Variants in PCDH15 observed in about 807,000 individuals in gnomAD.
PCDH15 encodes the protein protocadherin-15.
A neutral mutation model predicts 178.5 loss-of-function variants in PCDH15; 129 were observed. The observed-to-expected ratio is 0.72, with a 90% CI of 0.63 to 0.84. The LOEUF (loss-of-function observed/expected upper bound fraction) is 0.84, where lower values mean the gene tolerates loss of function less well. Ranked by LOEUF, PCDH15 falls within the 40% of genes least tolerant of loss-of-function variation. The pLI, the probability that PCDH15 is intolerant of heterozygous loss-of-function variation, is 0.00. For missense variants in PCDH15, 2,230 were observed against 2,099.9 expected (o/e 1.06, Z -1.21); for synonymous variants, 800 against 732.0 (o/e 1.09, Z -1.50).
At chr10:54,405,623 C>G (rs2135542653) in intron 3 of PCDH15, among the ~76,000 whole-genome samples, 1 of 151,672 alleles carries the variant, frequency 6.6e-6, no homozygotes, top group South Asian at 2.1e-4. Flanking sequence ...ATCTGTACAA[C>G]CAACCCCCAT....
At chr10:55,045,170 CT>C (rs534246714) in intron 2 of PCDH15, among the ~76,000 whole-genome samples, 176 of 152,106 alleles carry the variant, frequency 1.2e-3, no homozygotes, top group African/African-American at 4.2e-3. Flanking sequence ...AATTTTATCC[CT>C]TCTCCATTTT....
intron 2 of PCDH15, among the ~76,000 whole-genome samples, chr10:55,437,285 A>G (rs1839064174): frequency 6.6e-6 from 1 of 152,216 alleles, no homozygotes; most frequent in African/African-American, 2.4e-5. Flanking sequence ...GGGCATGCAC[A>G]GATAAAGAGT....
At chr10:55,234,816 G>T (rs1454925106) in intron 1 of PCDH15, among the ~76,000 whole-genome samples, 1 of 151,942 alleles carries the variant, frequency 6.6e-6, no homozygotes, top group Non-Finnish European at 1.5e-5. Flanking sequence ...TTATTACAAT[G>T]AGAGTGGTAA....
At chr10:55,076,434 T>TA (rs1161872896) in intron 2 of PCDH15, among the ~76,000 whole-genome samples, 10 of 151,956 alleles carry the variant, frequency 6.6e-5, no homozygotes, top group African/African-American at 2.4e-4. Context: ...TGCTGTGTTT[T>TA]TTTTTTTTTA....
chr10:55,327,525 AT>A (rs1346232932), intron 2 of PCDH15, among the ~76,000 whole-genome samples: 17 of 152,100 alleles, frequency 1.1e-4, no homozygotes, highest in African/African-American at 4.1e-4. Context: ...TTCATCACAC[AT>A]TAATTCTTGG....
At chr10:54,849,263 C>T (rs914852821) in intron 3 of PCDH15, among the ~76,000 whole-genome samples, 1 of 152,102 alleles carries the variant, frequency 6.6e-6, no homozygotes, top group African/African-American at 2.4e-5. Context: ...CTCACAAAAC[C>T]TTTCTGTGTC....
chr10:54,735,782 C>T (rs1321134256), intron 1 of PCDH15, among the ~76,000 whole-genome samples: 4 of 117,420 alleles, frequency 3.4e-5, no homozygotes, highest in African/African-American at 1.3e-4. Flanking sequence ...AACCAAACAC[C>T]GCATATTCTC....
intron 23 of PCDH15, among the ~76,000 whole-genome samples, chr10:53,951,662 C>T (rs1422912017): frequency 1.3e-5 from 2 of 152,192 alleles, no homozygotes; most frequent in African/African-American, 4.8e-5. Context: ...TAGAAAATGT[C>T]ACAGGATCCT....
rs138349058 is a variant in PCDH15 at position 54,666,847 on chromosome 10, C to A, written c.-28-2557G>T. On this transcript the variant is annotated intron_variant, in intron 1 of 37. Transcript: ENST00000644397. ...CTTTATAGTAGTTTATAGTATTATG[C>A]ATTCACAAATTATGGCATATTCTTT... Among the ~76,000 whole-genome samples the A allele has an allele frequency of 2.6e-4, 39 of 152,068 alleles. 1 individual carries two copies. In the East Asian group the frequency reaches 7.2e-3, roughly 28 times the overall value.
At chr10:54,400,888 C>T (rs1951848046) in intron 3 of PCDH15, among the ~76,000 whole-genome samples, 1 of 151,748 alleles carries the variant, frequency 6.6e-6, no homozygotes, top group Admixed American at 6.6e-5. Flanking sequence ...ACATAAAAAA[C>T]AGTAAATTGA....
Position 54,754,012 on chromosome 10 carries a change from T to C in PCDH15, c.-29+46913A>G, listed in dbSNP as rs1009028383. Reference sequence around the variant, plus strand: ...TATTATTATTATTTTTTATTTTTAGTAGAGACAGGGTTTCACCGTGTTAGC... The same window carrying C: ...TATTATTATTATTTTTTATTTTTAGCAGAGACAGGGTTTCACCGTGTTAGC... On this transcript the variant is annotated intron_variant, in intron 1 of 37. Transcript: ENST00000644397. Among the ~76,000 whole-genome samples the C allele has an allele frequency of 2.0e-5, 3 of 150,990 alleles. No individual in the cohort carries two copies. The South Asian group carries it at 6.2e-4, about 31-fold the overall frequency.
At chr10:55,386,353 T>C (rs946641616) in intron 2 of PCDH15, among the ~76,000 whole-genome samples, 2 of 152,064 alleles carry the variant, frequency 1.3e-5, no homozygotes, top group Non-Finnish European at 2.9e-5. Context: ...CAAGTATTAA[T>C]TTCCTTAATA....
intron 3 of PCDH15, among the ~76,000 whole-genome samples, chr10:54,505,149 T>C (rs1402934109): frequency 1.3e-5 from 2 of 152,130 alleles, no homozygotes; most frequent in East Asian, 1.9e-4. Flanking sequence ...TAACTTCAAA[T>C]TGAGAATTCA....
chr10:55,275,168 C>T (rs1334616348), intron 1 of PCDH15, among the ~76,000 whole-genome samples: 1 of 142,052 alleles, frequency 7.0e-6, no homozygotes, highest in East Asian at 2.2e-4. Context: ...ATTTTGCAAT[C>T]TGTTTAATGG....
intron 2 of PCDH15, among the ~76,000 whole-genome samples, chr10:54,625,087 C>G (rs971691548): frequency 6.6e-6 from 1 of 152,102 alleles, no homozygotes; most frequent in Admixed American, 6.5e-5. Flanking sequence ...GACTGGGGAC[C>G]ACTGTGCTAA....
chr10:54,970,466 G>T (rs1223612735), intron 2 of PCDH15, among the ~76,000 whole-genome samples: 1 of 152,140 alleles, frequency 6.6e-6, no homozygotes, highest in Admixed American at 6.5e-5. Context: ...GCTGTGATTA[G>T]AACATTGGTG....
intron 2 of PCDH15, among the ~76,000 whole-genome samples, chr10:55,436,879 T>A (rs1039717068): frequency 6.6e-6 from 1 of 152,130 alleles, no homozygotes; most frequent in Admixed American, 6.6e-5. Context: ...AAAAAATAAT[T>A]TTGCCACCAT....
chr10:55,286,828 T>G (rs1266513432), intron 1 of PCDH15, among the ~76,000 whole-genome samples: 2 of 152,016 alleles, frequency 1.3e-5, no homozygotes, highest in African/African-American at 4.8e-5. Context: ...ATCCTTGCAC[T>G]TTCTTAAGTT....
At chr10:54,655,292 G>GAGAGAGAGAGAGAGAGAGAC (rs1565866271) in intron 2 of PCDH15, among the ~76,000 whole-genome samples, 7 of 121,150 alleles carry the variant, frequency 5.8e-5, no homozygotes, top group African/African-American at 9.1e-5. Flanking sequence ...GAGAGAGAGA[G>GAGAGAGAGAGAGAGAGAGAC]AGAGAGAGAG....
Sources: allele counts gnomAD v4.1 joint callset (sites outside exome capture counted in the v4.1 genomes callset), GRCh38; gene constraint gnomAD v4.1.1; transcripts MANE v1.5; gene names NCBI Gene and HGNC (gene_info 2026-07-23, HGNC 2026-07-21).